The following DIDO1 variants were observed in gnomAD, a reference collection of about 807,000 sequenced individuals.
The protein encoded by DIDO1 is death-inducer obliterator 1.
A neutral mutation model predicts 99.4 loss-of-function variants in DIDO1; 16 were observed. That is an observed-to-expected ratio of 0.16 (90% CI 0.11 to 0.24). The LOEUF (loss-of-function observed/expected upper bound fraction) is 0.24. Ranked by LOEUF, DIDO1 falls within the 10% of genes least tolerant of loss-of-function variation. The probability of loss-of-function intolerance (pLI) is 1.00; values close to 1 mark genes in which losing one functional copy is unlikely to be tolerated. For synonymous variants in DIDO1, 1,366 were observed against 1,239.1 expected, an observed-to-expected ratio of 1.10 and a Z score of -2.15; for missense variants, 2,996 against 3,014.0, an observed-to-expected ratio of 0.99 and a Z score of 0.14.
At chr20:62,924,535 C>T (rs1272538657) in intron 1 of DIDO1, among the ~76,000 whole-genome samples, 1 of 152,190 alleles carries the variant, frequency 6.6e-6, no homozygotes, top group Non-Finnish European at 1.5e-5. Flanking sequence ...GGAATTATGA[C>T]CCTAAGGCTG....
Position 62,882,349 on chromosome 20 carries a change from C to T in DIDO1, c.3607G>A (p.Ala1203Thr), listed in dbSNP as rs777989220. The T allele has an allele frequency of 6.2e-6, 10 of 1,613,830 alleles. 1 individual carries two copies. Among genetic ancestry groups the T allele is most frequent in the East Asian group, 4.5e-5 (2 of 44,896 alleles). Residue 1203 changes from alanine (A) to threonine (T), a missense_variant, in exon 16 of 16, where the codon GCA (alanine) becomes ACA (threonine). Physicochemically the swap from Ala to Thr is moderately conservative, Grantham distance 58 (BLOSUM62 0). Transcript: ENST00000395343. Reference protein sequence around the residue: ...LVICQKIKRPANSGELDKMDE... With the variant: ...LVICQKIKRPTNSGELDKMDE... ...ATCTTGTCTAACTCTCCACTGTTTG[C>T]GGGACGTTTGATTTTTTGGCAGATT...
rs777959875 is a variant in DIDO1 at position 62,880,238 on chromosome 20, G to A, written c.5718C>T (p.Gly1906=). The part of the protein sequence containing the change: ...LLSQLKGPRG[G]PPPSQFGGQR... Reference sequence around the variant, plus strand: ...GACCTCCAAACTGAGAGGGAGGGGGGCCGCCTCGGGGGCCTTTCAGCTGAG... The same window carrying A: ...GACCTCCAAACTGAGAGGGAGGGGGACCGCCTCGGGGGCCTTTCAGCTGAG... Residue 1906 remains glycine, a synonymous_variant, in exon 16 of 16, where the codon GGC becomes GGT. Transcript: ENST00000395343. 4 of 1,612,180 alleles carry A rather than the reference G, an allele frequency of 2.5e-6. No homozygotes were observed. Among genetic ancestry groups the A allele is most frequent in the African/African-American group, 1.3e-5 (1 of 74,902 alleles).
Position 62,914,341 on chromosome 20 carries a change from C to G in DIDO1, c.-134G>C, listed in dbSNP as rs778788968. 1 of 152,150 alleles carries G rather than the reference C, an allele frequency of 6.6e-6. No homozygotes were observed. The highest frequency in any genetic ancestry group is 6.5e-5 in the Admixed American group (1 of 15,278). The allele number at this position is 152,150 out of a possible 1,614,324, so 9.4% of individuals were successfully genotyped here. A position where few individuals can be genotyped will look rare whatever the true frequency, so the allele number is the denominator to read the frequency against. On this transcript the variant is annotated 5_prime_UTR_variant, in exon 2 of 16. Coordinates refer to ENST00000395343, the MANE Select transcript of DIDO1 (RefSeq NM_001193369.2). ...CAACACTGTTGTCAGCCACTGTTCACGAGTAACAGGCTTCGTATTTTCAAC... is the reference window on the plus strand; with the variant it reads ...CAACACTGTTGTCAGCCACTGTTCAGGAGTAACAGGCTTCGTATTTTCAAC...
At chr20:62,935,612 A>T (rs1179593674) in intron 1 of DIDO1, among the ~76,000 whole-genome samples, 1 of 152,216 alleles carries the variant, frequency 6.6e-6, no homozygotes, top group Admixed American at 6.5e-5. Context: ...CTGAGAGCAC[A>T]GCGATAACAA....
intron 6 of DIDO1, among the ~76,000 whole-genome samples, chr20:62,897,707 C>A (rs2064568220): frequency 2.0e-5 from 3 of 152,194 alleles, no homozygotes; most frequent in Non-Finnish European, 4.4e-5. Context: ...GACATCAAAC[C>A]CCCTCAACTT....
At chr20:62,887,507 C>T (rs186203640) in intron 15 of DIDO1, 161 of 985,472 alleles carry the variant, frequency 1.6e-4, no homozygotes, top group Admixed American at 7.4e-4. Context: ...CTACAGAGGG[C>T]GGTGTTTCCT....
At chr20:62,900,191 C>G (rs2064635116) in intron 6 of DIDO1, among the ~76,000 whole-genome samples, 1 of 152,212 alleles carries the variant, frequency 6.6e-6, no homozygotes, top group Non-Finnish European at 1.5e-5. Context: ...GTCCCCTGCC[C>G]CTCCCCACAC....
intron 1 of DIDO1, among the ~76,000 whole-genome samples, chr20:62,915,848 G>C (rs2065027926): frequency 2.6e-5 from 4 of 152,092 alleles, no homozygotes. Flanking sequence ...AACGAAAACT[G>C]ATTTTTAAAA....
chr20:62,922,044 C>G (rs1601029407), intron 1 of DIDO1, among the ~76,000 whole-genome samples: 1 of 142,300 alleles, frequency 7.0e-6, no homozygotes, highest in African/African-American at 2.8e-5. Flanking sequence ...GATATATATA[C>G]ACACAATATA....
At chr20:62,900,046 C>A (rs1010745890) in intron 6 of DIDO1, among the ~76,000 whole-genome samples, 4 of 152,210 alleles carry the variant, frequency 2.6e-5, no homozygotes, top group Non-Finnish European at 4.4e-5. Context: ...CCAGGCAACC[C>A]AGGAAAAAAC....
chr20:62,885,077 A>C (rs1420148856), intron 15 of DIDO1, among the ~76,000 whole-genome samples: 1 of 152,236 alleles, frequency 6.6e-6, no homozygotes, highest in Non-Finnish European at 1.5e-5. Flanking sequence ...TTCGGTTATG[A>C]AATTGGCTAT....
chr20:62,915,501 T>C (rs2065021926), intron 1 of DIDO1, among the ~76,000 whole-genome samples: 1 of 152,224 alleles, frequency 6.6e-6, no homozygotes, highest in South Asian at 2.1e-4. Context: ...TACTTTACTT[T>C]TTAAAGAGTT....
At chr20:62,917,788 C>G (rs955386871) in intron 1 of DIDO1, among the ~76,000 whole-genome samples, 2 of 152,222 alleles carry the variant, frequency 1.3e-5, no homozygotes, top group Non-Finnish European at 2.9e-5. Context: ...TGCCCATGCA[C>G]GGTGCTGAAG....
intron 6 of DIDO1, among the ~76,000 whole-genome samples, chr20:62,901,153 C>T (rs114274556): frequency 0.014 from 2,072 of 152,324 alleles, 49 homozygotes; most frequent in African/African-American, 0.046. Context: ...TTCCCAAATA[C>T]AGCAGGCAGA....
At position 62,880,976 on chromosome 20, in the gene DIDO1, C is replaced by T. The variant is rs773927001; in HGVS notation, c.4980G>A (p.Leu1660=). Residue 1660 remains leucine (L), a synonymous_variant, in exon 16 of 16, where the codon CTG becomes CTA. Coordinates refer to ENST00000395343, the MANE Select transcript of DIDO1 (RefSeq NM_001193369.2). ...SSARPARRVL[L]PTPPCGALQP... The stretch of plus-strand genomic sequence containing the variant: ...GCAGGGCGCCGCAAGGCGGTGTGGG[C>T]AGCAGCACCCTCCGGGCAGGCCTGG... 4 of 1,606,140 alleles carry T rather than the reference C, an allele frequency of 2.5e-6. No homozygotes were observed. The highest frequency in any genetic ancestry group is 3.4e-6 in the Non-Finnish European group (4 of 1,179,226).
intron 1 of DIDO1, among the ~76,000 whole-genome samples, chr20:62,924,112 C>T (rs1310010248): frequency 6.6e-6 from 1 of 152,214 alleles, no homozygotes; most frequent in Non-Finnish European, 1.5e-5. Context: ...TTTCCATTAA[C>T]TGTTAATTAT....
In DIDO1 at chr20:62,880,259, C is replaced by G. The variant is rs1279069447; in HGVS notation, c.5697G>C (p.Gln1899His). 1 of 1,612,682 alleles carries G rather than the reference C, an allele frequency of 6.2e-7. No individual in the cohort carries two copies. Among genetic ancestry groups the G allele is most frequent in the Non-Finnish European group, 8.5e-7 (1 of 1,179,934 alleles). Residue 1899 changes from glutamine to histidine, a missense_variant, in exon 16 of 16, where the codon CAG becomes CAC. By Grantham distance (24) the Gln-to-His change is conservative. Coordinates refer to ENST00000395343, the MANE Select transcript of DIDO1 (RefSeq NM_001193369.2). The part of the protein sequence containing the change: ...FGGQRRPLLS[Q>H]LKGPRGGPPP... ...GGGGGCCGCCTCGGGGGCCTTTCAG[C>G]TGAGACAGCAGTGGCCTTCTCTGGC...
At chr20:62,920,189 G>A (rs1220767205) in intron 1 of DIDO1, among the ~76,000 whole-genome samples, 1 of 152,144 alleles carries the variant, frequency 6.6e-6, no homozygotes, top group African/African-American at 2.4e-5. Context: ...GAGCTCCCCG[G>A]GTACCATGTG....
chr20:62,905,542 C>G, intron 6 of DIDO1: 1 of 1,550,972 alleles, frequency 6.4e-7, no homozygotes, highest in Non-Finnish European at 8.7e-7. Context: ...ATGTGGCGTG[C>G]CGGGCAGTGT....
Sources: gnomAD v4.1 joint callset for allele counts (sites outside exome capture counted in the v4.1 genomes callset) on GRCh38, gnomAD v4.1.1 for gene constraint, MANE v1.5 for transcripts, NCBI Gene and HGNC (gene_info 2026-07-23, HGNC 2026-07-21) for gene names.